The following CUL1 variants were observed in gnomAD, a reference collection of about 807,000 sequenced individuals.
CUL1 encodes the protein cullin 1.
In CUL1, 24 loss-of-function variants were observed where a neutral mutation model predicts 118.0. That is an observed-to-expected ratio of 0.20 (90% CI 0.15 to 0.29). CUL1 has a LOEUF of 0.29. Among genes scored for constraint, CUL1 ranks in the 10% least tolerant of loss-of-function variants. The pLI is 1.00. For synonymous variants in CUL1, 332 were observed against 340.4 expected (o/e 0.98, Z 0.27); for missense variants, 361 against 933.8 (o/e 0.39, Z 7.99).
chr7:148,790,280 T>TA, intron 15 of CUL1, 30 bp from the exon 16 acceptor site: 1 of 1,612,564 alleles, frequency 6.2e-7, no homozygotes, highest in Non-Finnish European at 8.5e-7. Flanking sequence ...GTGAGATCTG[T>TA]ATTCCATATA....
intron 2 of CUL1, among the ~76,000 whole-genome samples, chr7:148,737,216 G>T (rs1798975529): frequency 6.6e-6 from 1 of 151,318 alleles, no homozygotes; most frequent in South Asian, 2.1e-4. Context: ...TGGGGTAGGC[G>T]GTTAGTATAA....
At chr7:148,737,933 CAG>C (rs1405818521) in intron 2 of CUL1, among the ~76,000 whole-genome samples, 1 of 152,104 alleles carries the variant, frequency 6.6e-6, no homozygotes, top group Non-Finnish European at 1.5e-5. Flanking sequence ...ACTTTTAGTG[CAG>C]AGTCTTTCCA....
At chr7:148,786,946 G>T (rs113405223) in intron 12 of CUL1, 43 bp from the exon 13 acceptor site, 13 of 1,592,588 alleles carry the variant, frequency 8.2e-6, no homozygotes, top group African/African-American at 8.0e-5. Flanking sequence ...CTGTTGGCTT[G>T]TGTGTGTGCT....
Position 148,757,664 on chromosome 7 carries a change from C to G in CUL1, c.483+514C>G, listed in dbSNP as rs866177442. On this transcript the variant is annotated intron_variant, in intron 4 of 21. Transcript: ENST00000325222. ...GGTCCATTGGTTTTCAAAGTATGGT[C>G]CTGTATTAGTCTGTTTTCATACTGC... Among the ~76,000 whole-genome samples, 5 of 152,064 alleles carry G rather than the reference C, an allele frequency of 3.3e-5. No homozygotes were observed. In the South Asian group the frequency reaches 8.3e-4, roughly 25 times the overall value.
At position 148,787,076 on chromosome 7, in the gene CUL1, A is replaced by T; in HGVS notation, c.1435A>T (p.Ser479Cys). Residue 479 changes from serine (S) to cysteine (C), a missense_variant, in exon 13 of 22, where the codon AGT (serine) becomes TGT (cysteine). Physicochemically the swap from Ser to Cys is moderately radical, Grantham distance 112. Coordinates refer to ENST00000325222, the MANE Select transcript of CUL1 (RefSeq NM_003592.3). The surrounding 1 kb of genome is among the most constrained non-coding windows in gnomAD (Gnocchi z 5.5). The part of the protein sequence containing the change: ...MLAKRLVHQN[S>C]ASDDAEASMI... ...CGCCAAGAGGCTCGTCCACCAGAAC[A>T]GTGCAAGTGACGATGCCGAAGCCAG... 6.2e-7 allele frequency: 1 copy of T among 1,613,962 alleles called. No individual in the cohort carries two copies. Among genetic ancestry groups the T allele is most frequent in the Non-Finnish European group, 8.5e-7 (1 of 1,179,872 alleles).
At chr7:148,781,834 A>G (rs1456304584) in intron 9 of CUL1, among the ~76,000 whole-genome samples, 1 of 152,050 alleles carries the variant, frequency 6.6e-6, no homozygotes, top group East Asian at 1.9e-4. Context: ...CTCTGCTGCT[A>G]AGGGTGAAGT....
chr7:148,731,984 C>T (rs1032131847), intron 2 of CUL1, among the ~76,000 whole-genome samples: 9 of 152,064 alleles, frequency 5.9e-5, no homozygotes, highest in African/African-American at 1.2e-4. Context: ...ACATTGTGTG[C>T]GAGTTTTTGA....
chr7:148,701,661 C>CT (rs1456490262), intron 1 of CUL1, among the ~76,000 whole-genome samples: 1 of 152,134 alleles, frequency 6.6e-6, no homozygotes, highest in Non-Finnish European at 1.5e-5. Context: ...TAGGAAGTTG[C>CT]TGTAGGAGGA....
intron 1 of CUL1, among the ~76,000 whole-genome samples, chr7:148,703,514 G>A (rs1269058745): frequency 1.3e-5 from 2 of 151,364 alleles, no homozygotes; most frequent in Admixed American, 1.3e-4. Flanking sequence ...GTATGTACTA[G>A]TGAAGGTTTT....
intron 1 of CUL1, among the ~76,000 whole-genome samples, chr7:148,717,493 C>T (rs965658139): frequency 5.3e-5 from 8 of 152,110 alleles, no homozygotes; most frequent in Middle Eastern, 6.8e-3. Flanking sequence ...CCAGTTACCA[C>T]GATAACTGCT....
chr7:148,725,149 T>TGAC, intron 1 of CUL1, among the ~76,000 whole-genome samples: 1 of 152,040 alleles, frequency 6.6e-6, no homozygotes, highest in Admixed American at 6.5e-5. Context: ...GACACTTGAG[T>TGAC]GACGCATCAA....
chr7:148,778,708 C>T (rs1215186813), intron 9 of CUL1, among the ~76,000 whole-genome samples: 1 of 152,194 alleles, frequency 6.6e-6, no homozygotes. Context: ...ACTGCCTGTC[C>T]TCAGGGAACT....
At chr7:148,739,560 G>A (rs1304230418) in intron 2 of CUL1, among the ~76,000 whole-genome samples, 1 of 152,022 alleles carries the variant, frequency 6.6e-6, no homozygotes, top group Non-Finnish European at 1.5e-5. Context: ...CAAGTCTTTC[G>A]CCTCCTGTTT....
intron 2 of CUL1, among the ~76,000 whole-genome samples, chr7:148,738,568 C>T (rs1799038210): frequency 6.6e-6 from 1 of 152,216 alleles, no homozygotes; most frequent in Non-Finnish European, 1.5e-5. Flanking sequence ...TTCTCACCTG[C>T]TTTCTGGCCA....
chr7:148,708,290 CT>C (rs1163027320), intron 1 of CUL1, among the ~76,000 whole-genome samples: 7 of 152,206 alleles, frequency 4.6e-5, no homozygotes, highest in Non-Finnish European at 7.3e-5. Flanking sequence ...AAACTGATCT[CT>C]TTTTTGCTCC....
At chr7:148,759,244 G>A in intron 4 of CUL1, 60 bp from the exon 5 acceptor site, 1 of 1,477,274 alleles carries the variant, frequency 6.8e-7, no homozygotes, top group Non-Finnish European at 9.4e-7. Context: ...TATTTCCTAT[G>A]ACTTCAATCT....
intron 13 of CUL1, 65 bp from the exon 14 acceptor site, chr7:148,788,492 G>C: frequency 1.0e-6 from 1 of 999,596 alleles, no homozygotes; most frequent in Non-Finnish European, 1.6e-6. Flanking sequence ...ATTTCTCTAA[G>C]ATTCCCTTGT....
chr7:148,744,316 G>T (rs1198648442), intron 2 of CUL1, among the ~76,000 whole-genome samples: 1 of 150,554 alleles, frequency 6.6e-6, no homozygotes, highest in African/African-American at 2.5e-5. Context: ...AAGTTTCTTT[G>T]TTCTTGCTTT....
chr7:148,708,181 T>C (rs932987773), intron 1 of CUL1, among the ~76,000 whole-genome samples: 15 of 152,250 alleles, frequency 9.9e-5, no homozygotes, highest in Non-Finnish European at 1.8e-4. Flanking sequence ...GGTTAAGCAA[T>C]TCTCAGCAAC....
Sources: gnomAD v4.1 joint callset for allele counts (sites outside exome capture counted in the v4.1 genomes callset) on GRCh38, gnomAD v4.1.1 for gene constraint, Gnocchi (gnomAD v3.1) non-coding constraint, MANE v1.5 for transcripts, NCBI Gene and HGNC (gene_info 2026-07-23, HGNC 2026-07-21) for gene names.